The following SMOC1 variants were observed in gnomAD, a reference collection of about 807,000 sequenced individuals.
The protein encoded by SMOC1 is SPARC related modular calcium binding 1.
SMOC1 carries 22 observed loss-of-function variants against 56.3 expected under a neutral mutation model. That is an observed-to-expected ratio of 0.39 (90% confidence interval 0.28 to 0.56). The LOEUF is 0.56. SMOC1 is among the 20% of genes least tolerant of loss of function. SMOC1 has a pLI of 0.61. For missense variants in SMOC1, 509 were observed against 565.4 expected (o/e 0.90, Z 1.01); for synonymous variants, 193 against 215.0 (o/e 0.90, Z 0.89).
At chr14:69,960,244 T>C (rs1883324015) in intron 3 of SMOC1, among the ~76,000 whole-genome samples, 1 of 152,168 alleles carries the variant, frequency 6.6e-6, no homozygotes, top group Admixed American at 6.5e-5. Context: ...TTTGTCTTCA[T>C]GTGGATATAT....
intron 1 of SMOC1, among the ~76,000 whole-genome samples, chr14:69,937,627 A>T (rs574016780): frequency 6.6e-6 from 1 of 152,334 alleles, no homozygotes; most frequent in Admixed American, 6.5e-5. Context: ...TGTCTGAGCG[A>T]CGCAGTGGGG....
chr14:69,943,581 G>A (rs1435241225), intron 1 of SMOC1, among the ~76,000 whole-genome samples: 1 of 152,214 alleles, frequency 6.6e-6, no homozygotes, highest in East Asian at 1.9e-4. Context: ...GAGGCGAACA[G>A]TCCCAGGTTG....
chr14:69,925,276 T>C lies in SMOC1; in HGVS notation c.100-26862T>C, dbSNP rs568558247. 7.2e-5 allele frequency among the ~76,000 whole-genome samples: 8 copies of C among 111,342 alleles called. No homozygotes were observed. The South Asian group carries it at 2.4e-3, about 33-fold the overall frequency. The allele number at this position is 111,342 out of a possible 152,430, so 73.0% of individuals were successfully genotyped here. On this transcript the variant is annotated intron_variant, in intron 1 of 11. Transcript: ENST00000361956. ...AGGGGAGGTAGGGGAGGAAAAGAGG[T>C]AGGGGAGCTAGGGGAGGTAGGGGAG... is the stretch of plus-strand genomic sequence containing the variant.
intron 1 of SMOC1, among the ~76,000 whole-genome samples, chr14:69,927,229 G>C (rs1007626681): frequency 6.6e-6 from 1 of 152,250 alleles, no homozygotes; most frequent in Admixed American, 6.5e-5. Context: ...ATGCAAGGAG[G>C]CTTCAAAAAG....
intron 1 of SMOC1, among the ~76,000 whole-genome samples, chr14:69,937,348 C>T (rs1279877071): frequency 1.3e-5 from 2 of 152,198 alleles, no homozygotes; most frequent in East Asian, 3.8e-4. Flanking sequence ...TAGTCAAATA[C>T]AGGTTTTTAT....
intron 1 of SMOC1, among the ~76,000 whole-genome samples, chr14:69,890,114 C>T (rs1484539088): frequency 6.6e-6 from 1 of 152,200 alleles, no homozygotes; most frequent in African/African-American, 2.4e-5. Context: ...GTGCCTGGCT[C>T]ATAGAAAGTG....
chr14:70,006,219 T>A (rs1216609008), intron 7 of SMOC1, among the ~76,000 whole-genome samples: 1 of 152,242 alleles, frequency 6.6e-6, no homozygotes, highest in African/African-American at 2.4e-5. Flanking sequence ...CAGTCTGTGT[T>A]TCTGCACCTT....
rs183950253 is a variant in SMOC1 at position 69,884,774 on chromosome 14, T to C, written c.99+4997T>C. Among the ~76,000 whole-genome samples, 275 of 152,304 alleles carry C rather than the reference T, an allele frequency of 1.8e-3. 6 individuals carry two copies. In the South Asian group the frequency reaches 0.028, roughly 16 times the overall value. The stretch of plus-strand genomic sequence containing the variant: ...GGATTTATTTTTGGGCTCTGTCTTC[T>C]GTTCCATTGGTCTATGTGTCTGTTT... On this transcript the variant is annotated intron_variant, in intron 1 of 11. Transcript: ENST00000361956.
At chr14:69,924,090 C>G (rs143295854) in intron 1 of SMOC1, among the ~76,000 whole-genome samples, 40 of 152,346 alleles carry the variant, frequency 2.6e-4, no homozygotes, top group African/African-American at 8.9e-4. Context: ...ATTTAATATG[C>G]CTCTGGTTGC....
At chr14:70,014,519 C>T (rs561050844) in intron 10 of SMOC1, among the ~76,000 whole-genome samples, 7 of 152,032 alleles carry the variant, frequency 4.6e-5, no homozygotes, top group South Asian at 2.1e-4. Flanking sequence ...GGTGGATAGG[C>T]GGAGGAGGAG....
intron 7 of SMOC1, among the ~76,000 whole-genome samples, chr14:70,009,667 G>A (rs540227180): frequency 6.6e-6 from 1 of 152,262 alleles, no homozygotes; most frequent in Non-Finnish European, 1.5e-5. Context: ...ACAAGTAAAT[G>A]AAAAATAAAG....
chr14:69,964,133 A>G (rs1247173280), intron 3 of SMOC1, among the ~76,000 whole-genome samples: 11 of 152,086 alleles, frequency 7.2e-5, no homozygotes, highest in Admixed American at 2.0e-4. Flanking sequence ...GTAAGCATGC[A>G]AGGTTTGGGT....
intron 1 of SMOC1, among the ~76,000 whole-genome samples, chr14:69,895,770 A>G (rs1231708602): frequency 2.0e-5 from 3 of 151,682 alleles, no homozygotes; most frequent in Non-Finnish European, 4.4e-5. Flanking sequence ...TCCCCCCATC[A>G]AGGTAGAGCC....
intron 7 of SMOC1, among the ~76,000 whole-genome samples, chr14:69,994,850 G>T (rs227412): frequency 6.6e-6 from 1 of 151,970 alleles, no homozygotes; most frequent in African/African-American, 2.4e-5. Context: ...CTCTAAATAG[G>T]TGCTTACAGT....
intron 5 of SMOC1, among the ~76,000 whole-genome samples, chr14:69,984,496 T>C (rs911114801): frequency 7.9e-5 from 12 of 152,116 alleles, no homozygotes; most frequent in African/African-American, 2.4e-4. Context: ...ATAGGACTCA[T>C]ATCTAGAGAA....
chr14:70,005,019 G>T (rs950212591), intron 7 of SMOC1, among the ~76,000 whole-genome samples: 2 of 152,188 alleles, frequency 1.3e-5, no homozygotes, highest in African/African-American at 4.8e-5. Flanking sequence ...AAGGTGCTTT[G>T]GTGTTGGGTT....
At chr14:69,897,399 T>C (rs1326559361) in intron 1 of SMOC1, among the ~76,000 whole-genome samples, 1 of 152,250 alleles carries the variant, frequency 6.6e-6, no homozygotes, top group Non-Finnish European at 1.5e-5. Flanking sequence ...TTTAAAGTGA[T>C]AATTGATGTA....
intron 1 of SMOC1, among the ~76,000 whole-genome samples, chr14:69,901,984 C>T (rs77526931): frequency 0.064 from 9,674 of 152,284 alleles, 882 homozygotes; most frequent in African/African-American, 0.2. Flanking sequence ...TCACTCTACT[C>T]TTCATAACTT....
rs771777338 is a variant in SMOC1, at chr14:70,013,407, T to G, written c.962T>G (p.Met321Arg). Reference sequence around the variant, plus strand: ...TTAGGCTGTCCAGAAGGGAAGAAAATGGAGTTTATCACCAGCCTACTGGAT... The same window carrying G: ...TTAGGCTGTCCAGAAGGGAAGAAAAGGGAGTTTATCACCAGCCTACTGGAT... The part of the protein sequence containing the change: ...ELPGCPEGKK[M>R]EFITSLLDAL... Residue 321 changes from methionine (M) to arginine (R), a missense_variant, in exon 10 of 12, where the codon ATG becomes AGG. Physicochemically the swap from Met to Arg is moderately conservative, Grantham distance 91 (BLOSUM62 -1). Around this residue, in one of 3 missense-constraint regions of SMOC1, gnomAD observed 176 missense variants for 188.1 expected, o/e 0.94. Coordinates refer to ENST00000361956, the MANE Select transcript of SMOC1 (RefSeq NM_001034852.3). 11 of 1,613,964 alleles carry G rather than the reference T, an allele frequency of 6.8e-6. No individual in the cohort carries two copies. In the Admixed American group the frequency reaches 1.8e-4, roughly 27 times the overall value.
Sources: gnomAD v4.1 joint callset for allele counts (sites outside exome capture counted in the v4.1 genomes callset) on GRCh38, gnomAD v4.1.1 for gene constraint, gnomAD v4.1.1 regional missense constraint, MANE v1.5 for transcripts, NCBI Gene and HGNC (gene_info 2026-07-23, HGNC 2026-07-21) for gene names.